The following ATRNL1 variants were observed in gnomAD, a reference collection of about 807,000 sequenced individuals.
The protein encoded by ATRNL1 is attractin-like protein 1.
A neutral mutation model predicts 182.7 loss-of-function variants in ATRNL1; 95 were observed. The ratio of observed to expected loss-of-function variants is 0.52; its 90% CI spans 0.44 to 0.62. The LOEUF (loss-of-function observed/expected upper bound fraction) is 0.62, where lower values mean the gene tolerates loss of function less well. ATRNL1 is among the 20% of genes least tolerant of loss of function. The pLI is 0.00. For missense variants in ATRNL1, 1,471 were observed against 1,679.5 expected (o/e 0.88, Z 2.17); for synonymous variants, 576 against 568.3 (o/e 1.01, Z -0.19).
chr10:115,513,448 T>C (rs1554983151), intron 24 of ATRNL1, among the ~76,000 whole-genome samples: 1 of 152,020 alleles, frequency 6.6e-6, no homozygotes, highest in Admixed American at 6.6e-5. Context: ...TATCGCCATT[T>C]ATTATCTGCT....
At chr10:115,450,205 C>T (rs1162690095) in intron 21 of ATRNL1, among the ~76,000 whole-genome samples, 1 of 152,088 alleles carries the variant, frequency 6.6e-6, no homozygotes, top group East Asian at 1.9e-4. Context: ...GGAATCATTC[C>T]CCTTGAAAAC....
chr10:115,900,567 A>G (rs782056601), intron 28 of ATRNL1, among the ~76,000 whole-genome samples: 8 of 152,242 alleles, frequency 5.3e-5, no homozygotes, highest in Admixed American at 1.3e-4. Context: ...CTTTACATGT[A>G]TTAATGCAGC....
chr10:115,397,573 G>A (rs1844351128), intron 20 of ATRNL1, among the ~76,000 whole-genome samples: 1 of 151,906 alleles, frequency 6.6e-6, no homozygotes, highest in African/African-American at 2.4e-5. Context: ...AGAAAGTATT[G>A]ATGGAGCACT....
At chr10:115,822,001 T>A (rs1305827195) in intron 27 of ATRNL1, among the ~76,000 whole-genome samples, 1 of 152,062 alleles carries the variant, frequency 6.6e-6, no homozygotes, top group Non-Finnish European at 1.5e-5. Context: ...CACATCACAC[T>A]TATTCTAAAG....
intron 26 of ATRNL1, among the ~76,000 whole-genome samples, chr10:115,598,234 C>T (rs1176010573): frequency 2.7e-5 from 4 of 149,014 alleles, no homozygotes; most frequent in East Asian, 2.0e-4. Flanking sequence ...TTGGTGTGAG[C>T]ATATAACTAT....
chr10:115,653,198 T>G (rs1860120205), intron 26 of ATRNL1, among the ~76,000 whole-genome samples: 1 of 152,214 alleles, frequency 6.6e-6, no homozygotes. Context: ...TCAAAAGTGT[T>G]ATATTGGCTG....
chr10:115,203,587 T>C (rs1848679147), intron 8 of ATRNL1, among the ~76,000 whole-genome samples: 1 of 145,316 alleles, frequency 6.9e-6, no homozygotes, highest in South Asian at 2.2e-4. Flanking sequence ...CTTTTTTTTT[T>C]TTTTTTTTTT....
intron 26 of ATRNL1, among the ~76,000 whole-genome samples, chr10:115,686,894 C>CA (rs1175517227): frequency 5.3e-5 from 8 of 151,878 alleles, no homozygotes; most frequent in African/African-American, 1.7e-4. Flanking sequence ...GACTTATATT[C>CA]AAAAAACTCT....
intron 8 of ATRNL1, among the ~76,000 whole-genome samples, chr10:115,184,999 A>G (rs1288624612): frequency 1.3e-5 from 2 of 151,992 alleles, no homozygotes; most frequent in Admixed American, 6.6e-5. Context: ...AAATAAGTAA[A>G]TATATTTTTT....
At chr10:115,384,546 A>AT (rs1554952130) in intron 19 of ATRNL1, among the ~76,000 whole-genome samples, 1 of 152,040 alleles carries the variant, frequency 6.6e-6, no homozygotes, top group Non-Finnish European at 1.5e-5. Context: ...CATGTATACT[A>AT]TCTAAACAAA....
chr10:115,247,127 C>T (rs1045545730), intron 10 of ATRNL1, among the ~76,000 whole-genome samples: 1 of 152,134 alleles, frequency 6.6e-6, no homozygotes, highest in Admixed American at 6.5e-5. Flanking sequence ...AAGGCCGCAA[C>T]AGCACAGGCA....
At chr10:115,312,535 G>C (rs970099847) in intron 17 of ATRNL1, among the ~76,000 whole-genome samples, 15 of 152,200 alleles carry the variant, frequency 9.9e-5, no homozygotes, top group African/African-American at 3.6e-4. Flanking sequence ...AGTGCTCTTA[G>C]AATTCTTTTA....
At position 115,948,256 on chromosome 10, in the gene ATRNL1, C is replaced by T. The variant is rs988708969; in HGVS notation, c.*3477C>T. 6 of 152,168 alleles carry T rather than the reference C, an allele frequency of 3.9e-5. No homozygotes were observed. The highest frequency in any genetic ancestry group is 8.8e-5 in the Non-Finnish European group (6 of 68,034). 9.4% of individuals were successfully genotyped at this position (152,168 alleles called of 1,614,324 possible). On this transcript the variant is annotated 3_prime_UTR_variant, in exon 29 of 29. Coordinates refer to ENST00000355044, the MANE Select transcript of ATRNL1 (RefSeq NM_207303.4). ...GACAAGAGCATCAATGATCACCTTT[C>T]ACGTACAAACTAGGCAAGACAGGGT...
At chr10:115,390,289 C>T (rs543144221) in intron 19 of ATRNL1, among the ~76,000 whole-genome samples, 1 of 152,256 alleles carries the variant, frequency 6.6e-6, no homozygotes, top group East Asian at 1.9e-4. Flanking sequence ...TGTCATGTAG[C>T]ATTTCCCTTG....
chr10:115,264,131 G>A (rs1365475946), intron 10 of ATRNL1, among the ~76,000 whole-genome samples: 4 of 150,494 alleles, frequency 2.7e-5, no homozygotes, highest in Non-Finnish European at 4.4e-5. Context: ...TGTGCACAAC[G>A]TGCACGTTTG....
At chr10:115,747,826 G>C (rs1008158849) in intron 27 of ATRNL1, among the ~76,000 whole-genome samples, 4 of 152,140 alleles carry the variant, frequency 2.6e-5, no homozygotes, top group South Asian at 2.1e-4. Context: ...GGCACATTCA[G>C]TATCTGGTGA....
rs189236908 is a variant in ATRNL1, at chr10:115,865,324, T to G, written c.4018+17333T>G. Among the ~76,000 whole-genome samples, 126 of 152,310 alleles carry G rather than the reference T, an allele frequency of 8.3e-4. 1 individual carries two copies. Among genetic ancestry groups the G allele is most frequent in the African/African-American group, 3.0e-3 (123 of 41,570 alleles). On this transcript the variant is annotated intron_variant, in intron 28 of 28. Transcript: ENST00000355044. ...GAATGAAGAGCAAATGAGATCTCTG[T>G]ACTCATTTGCAGTGTTCCTGCATGT...
intron 26 of ATRNL1, among the ~76,000 whole-genome samples, chr10:115,624,165 A>G (rs1311856638): frequency 2.6e-5 from 4 of 152,036 alleles, no homozygotes; most frequent in Non-Finnish European, 4.4e-5. Context: ...TGGACCCACT[A>G]AAGTCATGAT....
At chr10:115,541,964 A>G (rs1436502723) in intron 25 of ATRNL1, among the ~76,000 whole-genome samples, 3 of 152,190 alleles carry the variant, frequency 2.0e-5, no homozygotes, top group African/African-American at 7.2e-5. Context: ...GGTTTTCAAA[A>G]TAATTAAAAT....
Sources: allele counts gnomAD v4.1 joint callset (sites outside exome capture counted in the v4.1 genomes callset), GRCh38; gene constraint gnomAD v4.1.1; transcripts MANE v1.5; gene names NCBI Gene and HGNC (gene_info 2026-07-23, HGNC 2026-07-21).